The following SFMBT2 variants were observed in gnomAD, a reference collection of about 807,000 sequenced individuals.
SFMBT2 encodes the protein Scm like with four mbt domains 2.
SFMBT2 carries 38 observed loss-of-function variants against 110.1 expected under a neutral mutation model. The ratio of observed to expected loss-of-function variants is 0.35; its 90% confidence interval spans 0.27 to 0.45. The LOEUF is 0.45. Among genes scored for constraint, SFMBT2 ranks in the 20% least tolerant of loss-of-function variants. The probability of loss-of-function intolerance (pLI) is 1.00; values close to 1 mark genes in which losing one functional copy is unlikely to be tolerated. For synonymous variants in SFMBT2, 425 were observed against 425.4 expected, an observed-to-expected ratio of 1.00 and a Z score of 0.01; for missense variants, 1,011 against 1,094.9, an observed-to-expected ratio of 0.92 and a Z score of 1.08.
chr10:7,408,289 G>T lies in SFMBT2; in HGVS notation c.-52+2572C>A, dbSNP rs1249382116. On this transcript the variant is annotated intron_variant, in intron 1 of 20. Coordinates refer to ENST00000397167, the MANE Select transcript of SFMBT2 (RefSeq NM_001387889.1). This position sits in a 1 kb window ranked among gnomAD's most constrained non-coding sequence, Gnocchi z 5.7. ...ACGGACGCGTCCTGGCCGGCGTGTC[G>T]CCATCGTTCAGCCTCGCTGCCCAGG... 6.6e-6 allele frequency among the ~76,000 whole-genome samples: 1 copy of T among 151,534 alleles called. No homozygotes were observed.
At chr10:7,200,966 A>G in intron 13 of SFMBT2, 1 of 488,158 alleles carries the variant, frequency 2.0e-6, no homozygotes, top group Non-Finnish European at 2.7e-6. Flanking sequence ...GAAAATCTAT[A>G]AACTGGCATA....
rs77746306 is a variant in SFMBT2, at chr10:7,220,401, G to A, written c.1330+10C>T. The A allele has an allele frequency of 3.8e-3, 6,137 of 1,612,464 alleles. 142 individuals are homozygous for A. The African/African-American group carries it at 0.059, about 15-fold the overall frequency. ...CCCCCCAGCGACTGCTACCCCCAGCGAGTACGTACCTTCCAGGTGAAGCCA... is the reference window on the plus strand; with the variant it reads ...CCCCCCAGCGACTGCTACCCCCAGCAAGTACGTACCTTCCAGGTGAAGCCA... On this transcript the variant is annotated intron_variant, in intron 11 of 20. Coordinates refer to ENST00000397167, the MANE Select transcript of SFMBT2 (RefSeq NM_001387889.1).
chr10:7,384,238 A>AAAAAAAAAT lies in SFMBT2; in HGVS notation c.-51-2290_-51-2289insATTTTTTTT, dbSNP rs1554812962. 5.3e-3 allele frequency among the ~76,000 whole-genome samples: 769 copies of AAAAAAAAAT among 145,462 alleles called. 7 individuals carry two copies. Among genetic ancestry groups the AAAAAAAAAT allele is most frequent in the Non-Finnish European group, 9.5e-3 (618 of 64,926 alleles). On this transcript the variant is annotated intron_variant, in intron 1 of 20. Coordinates refer to ENST00000397167, the MANE Select transcript of SFMBT2 (RefSeq NM_001387889.1). ...AAAAAAAAAAAAAAAAAAAAAAAAA[A>AAAAAAAAAT]CAACCACAGAAAGGACAAATAAGTA...
At chr10:7,384,704 T>C (rs1406261783) in intron 1 of SFMBT2, among the ~76,000 whole-genome samples, 1 of 152,146 alleles carries the variant, frequency 6.6e-6, no homozygotes, top group Non-Finnish European at 1.5e-5. Context: ...AGCAATTTAC[T>C]ATGGAGGCTG....
At chr10:7,183,313 C>T (rs893775843) in intron 16 of SFMBT2, among the ~76,000 whole-genome samples, 2 of 152,122 alleles carry the variant, frequency 1.3e-5, no homozygotes, top group African/African-American at 2.4e-5. Flanking sequence ...GAGGGAAGAA[C>T]GCAATCTCAT....
chr10:7,371,880 C>G (rs1041391296), intron 2 of SFMBT2, among the ~76,000 whole-genome samples: 38 of 149,532 alleles, frequency 2.5e-4, no homozygotes, highest in African/African-American at 8.9e-4. Flanking sequence ...AATAAGAATG[C>G]CTTCTTCTGG....
intron 4 of SFMBT2, among the ~76,000 whole-genome samples, chr10:7,304,888 C>A (rs1249976452): frequency 6.6e-6 from 1 of 152,170 alleles, no homozygotes; most frequent in Non-Finnish European, 1.5e-5. Context: ...CAGTCACCTC[C>A]TAATTACGTG....
intron 1 of SFMBT2, among the ~76,000 whole-genome samples, chr10:7,384,070 G>C (rs1845507351): frequency 6.6e-6 from 1 of 151,896 alleles, no homozygotes; most frequent in Non-Finnish European, 1.5e-5. Flanking sequence ...AATTAGCCAG[G>C]CATGGTGGCA....
intron 8 of SFMBT2, among the ~76,000 whole-genome samples, chr10:7,244,990 T>G (rs1840562700): frequency 6.6e-6 from 1 of 152,082 alleles, no homozygotes; most frequent in Non-Finnish European, 1.5e-5. Context: ...ACTTCTATCA[T>G]TTTCACTCTG....
intron 16 of SFMBT2, among the ~76,000 whole-genome samples, chr10:7,188,162 C>T (rs1011711968): frequency 6.6e-6 from 1 of 152,192 alleles, no homozygotes; most frequent in Non-Finnish European, 1.5e-5. Context: ...ATTTACTTAA[C>T]CCAGACCAAA....
intron 8 of SFMBT2, among the ~76,000 whole-genome samples, chr10:7,246,984 G>C (rs946309472): frequency 6.6e-6 from 1 of 152,094 alleles, no homozygotes; most frequent in African/African-American, 2.4e-5. Context: ...AACTCCAAAG[G>C]CCATTTCAAA....
chr10:7,301,519 G>A lies in SFMBT2; in HGVS notation c.437-15565C>T, dbSNP rs1033742905. Among the ~76,000 whole-genome samples the A allele has an allele frequency of 1.9e-4, 29 of 152,172 alleles. No individual in the cohort carries two copies. The highest frequency in any genetic ancestry group is 6.5e-4 in the African/African-American group (27 of 41,450). ...GGCTGTATCTGCACACTCAGCCATC[G>A]GCAGTTAGTGGCACACTTTCCACTG... On this transcript the variant is annotated intron_variant, in intron 4 of 20. Coordinates refer to ENST00000397167, the MANE Select transcript of SFMBT2 (RefSeq NM_001387889.1). The surrounding 1 kb of genome is among the most constrained non-coding windows in gnomAD (Gnocchi z 4.2).
At chr10:7,371,822 G>A (rs7900328) in intron 2 of SFMBT2, among the ~76,000 whole-genome samples, 31 of 151,800 alleles carry the variant, frequency 2.0e-4, no homozygotes, top group African/African-American at 7.5e-4. Context: ...GTGGCTGGTA[G>A]AGAACTGATA....
rs1314677473 is a variant in SFMBT2, at chr10:7,408,927, G to A, written c.-52+1934C>T. ...AGAAGATGCCCCTCTCCGATGCGCC[G>A]AGAGGGTTCCTAAGCCGAGCAAGGG... On this transcript the variant is annotated intron_variant, in intron 1 of 20. Transcript: ENST00000397167. The surrounding 1 kb of genome is among the most constrained non-coding windows in gnomAD (Gnocchi z 5.7). Among the ~76,000 whole-genome samples, 4 of 152,066 alleles carry A rather than the reference G, an allele frequency of 2.6e-5. No individual in the cohort carries two copies. The highest frequency in any genetic ancestry group is 5.9e-5 in the Non-Finnish European group (4 of 68,028).
chr10:7,170,885 A>C lies in SFMBT2; in HGVS notation c.2544+43T>G, dbSNP rs905345550. ...GACACGAGGTTCATTTCAGATGCAG[A>C]GTCTCAGCACATCAAACAATCGACA... On this transcript the variant is annotated intron_variant, in intron 20 of 20. Transcript: ENST00000397167. This position sits in a 1 kb window ranked among gnomAD's most constrained non-coding sequence, Gnocchi z 4.6. The C allele has an allele frequency of 9.3e-6, 15 of 1,612,830 alleles. No homozygotes were observed. In the African/African-American group the frequency reaches 2.0e-4, roughly 22 times the overall value.
chr10:7,327,849 T>G (rs1843443107), intron 4 of SFMBT2, among the ~76,000 whole-genome samples: 1 of 152,216 alleles, frequency 6.6e-6, no homozygotes, highest in African/African-American at 2.4e-5. Flanking sequence ...TGAATCTGTT[T>G]GTCATTTGTC....
chr10:7,332,099 C>T (rs146706260), intron 4 of SFMBT2, among the ~76,000 whole-genome samples: 2 of 151,228 alleles, frequency 1.3e-5, no homozygotes, highest in Non-Finnish European at 2.9e-5. Flanking sequence ...AAGTCATCTG[C>T]GGAGTGATGG....
intron 4 of SFMBT2, among the ~76,000 whole-genome samples, chr10:7,326,181 G>C (rs1488712546): frequency 6.6e-6 from 1 of 152,212 alleles, no homozygotes; most frequent in Non-Finnish European, 1.5e-5. Flanking sequence ...TTACCAGGCA[G>C]CTGTATTCTT....
chr10:7,274,360 G>A (rs1841699401), intron 7 of SFMBT2, among the ~76,000 whole-genome samples: 1 of 152,116 alleles, frequency 6.6e-6, no homozygotes, highest in East Asian at 1.9e-4. Flanking sequence ...ATATGGTTTG[G>A]CTGTGTCCCC....
Sources: gnomAD v4.1 joint callset for allele counts (sites outside exome capture counted in the v4.1 genomes callset) on GRCh38, gnomAD v4.1.1 for gene constraint, Gnocchi (gnomAD v3.1) non-coding constraint, MANE v1.5 for transcripts, NCBI Gene and HGNC (gene_info 2026-07-23, HGNC 2026-07-21) for gene names.